EYA1: variants seen among roughly 807,000 people sequenced by gnomAD.
EYA1 encodes EYA transcriptional coactivator and phosphatase 1.
EYA1 carries 16 observed loss-of-function variants against 82.0 expected under a neutral mutation model. That is an observed-to-expected ratio of 0.20 (90% CI 0.13 to 0.30). The LOEUF is 0.30. Ranked by LOEUF, EYA1 falls within the 10% of genes least tolerant of loss-of-function variation. The pLI is 1.00. For missense variants in EYA1, 633 were observed against 730.7 expected (o/e 0.87, Z 1.54); for synonymous variants, 261 against 264.4 (o/e 0.99, Z 0.12).
intron 11 of EYA1, among the ~76,000 whole-genome samples, chr8:71,264,572 C>T (rs1815541392): frequency 7.2e-6 from 1 of 138,544 alleles, no homozygotes; most frequent in Non-Finnish European, 1.5e-5. Context: ...CATTCGTGAG[C>T]AATTCAATTT....
chr8:71,308,200 G>A (rs980873857), intron 7 of EYA1, among the ~76,000 whole-genome samples: 2 of 152,138 alleles, frequency 1.3e-5, no homozygotes, highest in Non-Finnish European at 2.9e-5. Flanking sequence ...TTGGTATTAA[G>A]TGGTATTAAT....
chr8:71,446,620 A>G (rs772128945), intron 2 of EYA1, among the ~76,000 whole-genome samples: 38 of 152,190 alleles, frequency 2.5e-4, no homozygotes, highest in Non-Finnish European at 4.9e-4. Flanking sequence ...TGAGTTGCAA[A>G]TTTCAATAAG....
intron 4 of EYA1, among the ~76,000 whole-genome samples, chr8:71,323,772 A>G (rs939033011): frequency 4.6e-5 from 7 of 152,224 alleles, no homozygotes; most frequent in African/African-American, 1.7e-4. Context: ...TGTCTGATAC[A>G]CATGGGAAGG....
intron 2 of EYA1, among the ~76,000 whole-genome samples, chr8:71,518,454 C>T (rs531358812): frequency 6.6e-6 from 1 of 152,220 alleles, no homozygotes; most frequent in East Asian, 1.9e-4. Flanking sequence ...AAAGGTGAAG[C>T]GACAATGCTA....
chr8:71,384,013 T>C (rs1183433931), intron 2 of EYA1, among the ~76,000 whole-genome samples: 6 of 151,674 alleles, frequency 4.0e-5, no homozygotes, highest in Admixed American at 3.9e-4. Flanking sequence ...TTTGTTACTA[T>C]CTTTACTTTT....
intron 2 of EYA1, among the ~76,000 whole-genome samples, chr8:71,499,578 C>T (rs1811667009): frequency 1.3e-5 from 2 of 152,096 alleles, no homozygotes; most frequent in Non-Finnish European, 2.9e-5. Flanking sequence ...ACTAAGAGAC[C>T]AGAGATTATT....
intron 16 of EYA1, among the ~76,000 whole-genome samples, chr8:71,211,601 A>C (rs1386997075): frequency 1.3e-5 from 2 of 152,192 alleles, no homozygotes; most frequent in African/African-American, 4.8e-5. Context: ...TTTTCCCCCT[A>C]TATATAAGCT....
intron 2 of EYA1, among the ~76,000 whole-genome samples, chr8:71,497,768 C>G (rs931928169): frequency 3.3e-5 from 5 of 152,132 alleles, no homozygotes; most frequent in Non-Finnish European, 7.4e-5. Context: ...CATTTCCATG[C>G]TTATTGCAGC....
In EYA1 at chr8:71,272,170, T is replaced by C. The variant is rs9657096; in HGVS notation, c.827-273A>G. On this transcript the variant is annotated intron_variant, in intron 9 of 17. Transcript: ENST00000340726. Reference sequence around the variant, plus strand: ...AGGTTGCCTGCATCTTCCATGTGGTTCTCTGTGATTAGAGAACGCTCCCCA... The same window carrying C: ...AGGTTGCCTGCATCTTCCATGTGGTCCTCTGTGATTAGAGAACGCTCCCCA... Among the ~76,000 whole-genome samples, 827 of 152,248 alleles carry C rather than the reference T, an allele frequency of 5.4e-3. 2 individuals carry two copies. The highest frequency in any genetic ancestry group is 9.4e-3 in the Non-Finnish European group (638 of 68,012).
chr8:71,430,223 T>C (rs1223084587), intron 2 of EYA1, among the ~76,000 whole-genome samples: 2 of 152,240 alleles, frequency 1.3e-5, no homozygotes, highest in Non-Finnish European at 2.9e-5. Context: ...AAATCCTTTA[T>C]GTGTAATATC....
intron 9 of EYA1, among the ~76,000 whole-genome samples, chr8:71,294,440 C>T (rs1819372596): frequency 6.7e-6 from 1 of 148,366 alleles, no homozygotes; most frequent in South Asian, 2.2e-4. Flanking sequence ...GCCTGGGCGA[C>T]AAGGAGACTC....
At chr8:71,308,919 G>T (rs1821030380) in intron 7 of EYA1, among the ~76,000 whole-genome samples, 1 of 152,134 alleles carries the variant, frequency 6.6e-6, no homozygotes, top group South Asian at 2.1e-4. Context: ...TTTCACAGAA[G>T]TCCATTTGCT....
intron 6 of EYA1, among the ~76,000 whole-genome samples, chr8:71,317,949 A>T (rs1822113466): frequency 6.6e-6 from 1 of 152,194 alleles, no homozygotes; most frequent in African/African-American, 2.4e-5. Context: ...TATAAAATGT[A>T]ACTCCAGTGA....
chr8:71,342,263 G>T (rs1238142836), intron 3 of EYA1, among the ~76,000 whole-genome samples: 1 of 151,990 alleles, frequency 6.6e-6, no homozygotes, highest in Non-Finnish European at 1.5e-5. Context: ...TACTATTCAG[G>T]GTCCTCCACA....
At chr8:71,310,087 C>T (rs771890663) in intron 7 of EYA1, among the ~76,000 whole-genome samples, 1 of 152,112 alleles carries the variant, frequency 6.6e-6, no homozygotes, top group Non-Finnish European at 1.5e-5. Flanking sequence ...ATGGGAATGT[C>T]CTATACCATT....
chr8:71,500,510 ACTCT>A (rs1477140016), intron 2 of EYA1, among the ~76,000 whole-genome samples: 1 of 151,668 alleles, frequency 6.6e-6, no homozygotes, highest in Non-Finnish European at 1.5e-5. Flanking sequence ...CCTCCTTTTG[ACTCT>A]CTATTTTCTC....
chr8:71,241,752 C>T (rs1812502243), intron 12 of EYA1, among the ~76,000 whole-genome samples: 1 of 152,080 alleles, frequency 6.6e-6, no homozygotes, highest in Admixed American at 6.6e-5. Context: ...TCAGGCATTA[C>T]CACATCACTT....
chr8:71,329,880 G>A (rs1262089850), intron 4 of EYA1, among the ~76,000 whole-genome samples: 1 of 152,178 alleles, frequency 6.6e-6, no homozygotes, highest in Non-Finnish European at 1.5e-5. Flanking sequence ...AGGAAAGAGT[G>A]GGGAGTAACC....
chr8:71,217,142 T>C, intron 12 of EYA1, 119 bp from the exon 13 acceptor site: 1 of 752,380 alleles, frequency 1.3e-6, no homozygotes, highest in Non-Finnish European at 2.3e-6. Flanking sequence ...TTTTCAACTA[T>C]GTCAATCAGT....
Sources: gnomAD v4.1 joint callset for allele counts (sites outside exome capture counted in the v4.1 genomes callset) on GRCh38, gnomAD v4.1.1 for gene constraint, MANE v1.5 for transcripts, NCBI Gene and HGNC (gene_info 2026-07-23, HGNC 2026-07-21) for gene names.